GABRG3: variants seen among roughly 807,000 people sequenced by gnomAD.
GABRG3 encodes gamma-aminobutyric acid receptor subunit gamma-3.
In GABRG3, 25 loss-of-function variants were observed where a neutral mutation model predicts 48.8. The ratio of observed to expected loss-of-function variants is 0.51; its 90% confidence interval spans 0.37 to 0.72. The LOEUF is 0.72. GABRG3 is among the 30% of genes least tolerant of loss of function. The pLI is 0.00. For synonymous variants in GABRG3, 227 were observed against 217.6 expected (o/e 1.04, Z -0.38); for missense variants, 394 against 577.9 (o/e 0.68, Z 3.26).
chr15:27,038,701 A>T (rs1418494356), intron 3 of GABRG3, among the ~76,000 whole-genome samples: 1 of 152,174 alleles, frequency 6.6e-6, no homozygotes, highest in East Asian at 1.9e-4. Flanking sequence ...GGCACATGGG[A>T]ACCATGCAGT....
At position 27,368,720 on chromosome 15, in the gene GABRG3, A is replaced by G. The variant is rs144078070; in HGVS notation, c.574+39832A>G. The stretch of plus-strand genomic sequence containing the variant: ...CCCAGGCTCACTCTGAACCTGGTGC[A>G]TCATCCTTCAATTACTGAAAAGGAC... On this transcript the variant is annotated intron_variant, in intron 5 of 9. Transcript: ENST00000615808. Among the ~76,000 whole-genome samples, 713 of 152,312 alleles carry G rather than the reference A, an allele frequency of 4.7e-3. 7 individuals are homozygous for G. Among genetic ancestry groups the G allele is most frequent in the African/African-American group, 0.016 (675 of 41,552 alleles).
intron 3 of GABRG3, among the ~76,000 whole-genome samples, chr15:27,201,019 GA>G (rs1417977946): frequency 6.6e-6 from 1 of 152,112 alleles, no homozygotes; most frequent in African/African-American, 2.4e-5. Context: ...CCTGCCTCTG[GA>G]ATAGTCTCCA....
intron 5 of GABRG3, among the ~76,000 whole-genome samples, chr15:27,465,436 C>G (rs545059978): frequency 1.3e-5 from 2 of 152,362 alleles, no homozygotes; most frequent in East Asian, 1.9e-4. Context: ...TTTGTGCCAA[C>G]TGATGCCCCA....
intron 5 of GABRG3, among the ~76,000 whole-genome samples, chr15:27,455,630 A>G (rs1889248292): frequency 6.9e-6 from 1 of 145,284 alleles, no homozygotes; most frequent in South Asian, 2.2e-4. Context: ...TGGTATATGT[A>G]TGCCGTGGGT....
intron 5 of GABRG3, among the ~76,000 whole-genome samples, chr15:27,397,003 T>C (rs1887319545): frequency 3.3e-5 from 5 of 152,138 alleles, no homozygotes; most frequent in Admixed American, 3.3e-4. Flanking sequence ...GGAGTGATGG[T>C]ATCGAAGTGG....
intron 3 of GABRG3, among the ~76,000 whole-genome samples, chr15:27,316,844 G>C (rs180903350): frequency 6.6e-6 from 1 of 151,914 alleles, no homozygotes; most frequent in African/African-American, 2.4e-5. Context: ...TTTCATTCCA[G>C]TTTCATTTCA....
chr15:27,308,506 AAC>A (rs1164365037), intron 3 of GABRG3, among the ~76,000 whole-genome samples: 1 of 148,250 alleles, frequency 6.7e-6, no homozygotes, highest in Non-Finnish European at 1.5e-5. Context: ...GTTTTATATA[AAC>A]ATAATGTAAA....
chr15:27,146,062 A>AT (rs1566946796), intron 3 of GABRG3, among the ~76,000 whole-genome samples: 1 of 152,182 alleles, frequency 6.6e-6, no homozygotes, highest in Admixed American at 6.5e-5. Flanking sequence ...AAAAGAAAAA[A>AT]CAGAAAACGT....
At chr15:27,365,444 C>G (rs1895163367) in intron 5 of GABRG3, 2 of 152,156 alleles carry the variant, frequency 1.3e-5, no homozygotes, top group South Asian at 4.1e-4. Flanking sequence ...TTAATCTGGC[C>G]TGGTTCTTCA....
At chr15:27,249,719 T>C (rs1384292543) in intron 3 of GABRG3, among the ~76,000 whole-genome samples, 1 of 152,144 alleles carries the variant, frequency 6.6e-6, no homozygotes, top group Admixed American at 6.5e-5. Flanking sequence ...TTTAAAAAGA[T>C]ATCACCTTAT....
chr15:27,378,969 T>A (rs931375156), intron 5 of GABRG3, among the ~76,000 whole-genome samples: 2 of 152,184 alleles, frequency 1.3e-5, no homozygotes, highest in Non-Finnish European at 2.9e-5. Context: ...TCTTTTATTT[T>A]GTCTCCCTGT....
intron 9 of GABRG3, among the ~76,000 whole-genome samples, chr15:27,529,792 A>G (rs896302565): frequency 9.9e-5 from 15 of 150,758 alleles, no homozygotes; most frequent in African/African-American, 3.7e-4. Flanking sequence ...GGAGAGAAAC[A>G]TTGACCTCTT....
At chr15:27,510,752 A>G (rs926766491) in intron 6 of GABRG3, among the ~76,000 whole-genome samples, 2 of 152,246 alleles carry the variant, frequency 1.3e-5, no homozygotes, top group African/African-American at 4.8e-5. Context: ...AACTTTTTAC[A>G]TTATATTTAT....
intron 2 of GABRG3, among the ~76,000 whole-genome samples, chr15:27,017,998 C>T (rs763052146): frequency 2.0e-5 from 3 of 152,196 alleles, no homozygotes; most frequent in African/African-American, 4.8e-5. Flanking sequence ...ACTCACAGCT[C>T]TGCTGGTCAG....
intron 5 of GABRG3, among the ~76,000 whole-genome samples, chr15:27,345,225 T>C (rs139969191): frequency 0.022 from 3,318 of 152,298 alleles, 57 homozygotes; most frequent in Non-Finnish European, 0.034. Flanking sequence ...GCTGGATTAA[T>C]ATCTACCATG....
At chr15:27,504,290 C>T (rs1391103223) in intron 6 of GABRG3, among the ~76,000 whole-genome samples, 1 of 150,258 alleles carries the variant, frequency 6.7e-6, no homozygotes, top group Non-Finnish European at 1.5e-5. Context: ...TCACATTTTT[C>T]CTCTTCTTCT....
At chr15:27,237,675 C>G (rs552195328) in intron 3 of GABRG3, among the ~76,000 whole-genome samples, 3 of 152,204 alleles carry the variant, frequency 2.0e-5, no homozygotes, top group Non-Finnish European at 1.5e-5. Context: ...AGAGAAGCAA[C>G]AGTGCATGGT....
chr15:27,041,958 G>A (rs1896284245), intron 3 of GABRG3, among the ~76,000 whole-genome samples: 1 of 152,150 alleles, frequency 6.6e-6, no homozygotes, highest in South Asian at 2.1e-4. Context: ...ATGAAGGAAG[G>A]GTGGCATCCT....
intron 3 of GABRG3, among the ~76,000 whole-genome samples, chr15:27,278,163 T>G (rs1891316894): frequency 1.3e-5 from 2 of 152,096 alleles, no homozygotes; most frequent in Non-Finnish European, 2.9e-5. Context: ...ACGATTCTTC[T>G]GCCTTAGCCT....
Sources: gnomAD v4.1 joint callset for allele counts (sites outside exome capture counted in the v4.1 genomes callset) on GRCh38, gnomAD v4.1.1 for gene constraint, MANE v1.5 for transcripts, NCBI Gene and HGNC (gene_info 2026-07-23, HGNC 2026-07-21) for gene names.